The following GRIN2D variants were observed in gnomAD, a reference collection of about 807,000 sequenced individuals.
GRIN2D encodes glutamate ionotropic receptor NMDA type subunit 2D.
GRIN2D carries 37 observed loss-of-function variants against 103.2 expected under a neutral mutation model. The observed-to-expected ratio is 0.36, with a 90% CI of 0.28 to 0.47. The LOEUF (loss-of-function observed/expected upper bound fraction) is 0.47, where lower values mean the gene tolerates loss of function less well. GRIN2D is among the 20% of genes least tolerant of loss of function. The pLI, the probability that GRIN2D is intolerant of heterozygous loss-of-function variation, is 1.00. For missense variants in GRIN2D, 1,557 were observed against 1,910.6 expected, an observed-to-expected ratio of 0.81 and a Z score of 3.45; for synonymous variants, 845 against 885.6, an observed-to-expected ratio of 0.95 and a Z score of 0.81.
rs748932859 is a variant in GRIN2D, at chr19:48,414,075, C to G, written c.1170C>G (p.Ile390Met). 6.2e-7 allele frequency: 1 copy of G among 1,609,366 alleles called. No homozygotes were observed. The highest frequency in any genetic ancestry group is 1.1e-5 in the South Asian group (1 of 90,976). Residue 390 changes from isoleucine to methionine, a missense_variant, in exon 5 of 14, where the codon ATC becomes ATG. Around this residue, in one of 7 missense-constraint regions of GRIN2D, gnomAD observed 490 missense variants for 601.1 expected, o/e 0.82. Transcript: ENST00000263269. The surrounding 1 kb of genome is among the most constrained non-coding windows in gnomAD (Gnocchi z 4.6). ...TAGTGAACCCCTCCCTGGTGGTCAT[C>G]TCCCTCACCAGAGACAGGACGTGGG... ...GFLVNPSLVV[I>M]SLTRDRTWEV...
chr19:48,415,026 C>T lies in GRIN2D; in HGVS notation c.1575C>T (p.Ile525=), dbSNP rs751436423. ...TCGATGGCGTCTGGAACGGCATGAT[C>T]GGGGAGGTGAGGGGGCGGACGGGAG... is the stretch of plus-strand genomic sequence containing the variant. ...KKIDGVWNGM[I]GEVFYQRADM... Residue 525 remains isoleucine (I), a synonymous_variant, in exon 7 of 14, where the codon ATC becomes ATT. Coordinates refer to ENST00000263269, the MANE Select transcript of GRIN2D (RefSeq NM_000836.4). 5.0e-6 allele frequency: 8 copies of T among 1,584,630 alleles called. No individual in the cohort carries two copies. Among genetic ancestry groups the T allele is most frequent in the East Asian group, 2.3e-5 (1 of 43,912 alleles).
intron 10 of GRIN2D, among the ~76,000 whole-genome samples, chr19:48,420,783 G>A (rs570852167): frequency 4.9e-4 from 74 of 152,076 alleles, no homozygotes; most frequent in Non-Finnish European, 9.0e-4. Context: ...CCATGATTAC[G>A]CCACAAATAG....
chr19:48,443,845 C>A lies in GRIN2D; in HGVS notation c.3919C>A (p.Leu1307Met). The A allele has an allele frequency of 6.7e-7, 1 of 1,485,468 alleles. No individual in the cohort carries two copies. Among genetic ancestry groups the A allele is most frequent in the Admixed American group, 2.3e-5 (1 of 44,242 alleles). 92.0% of individuals were successfully genotyped at this position (1,485,468 alleles called of 1,614,324 possible). The change falls in exon 14 of 14, where the codon CTG becomes ATG. Residue 1307 changes from leucine to methionine, a missense_variant. Coordinates refer to ENST00000263269, the MANE Select transcript of GRIN2D (RefSeq NM_000836.4). This position sits in a 1 kb window ranked among gnomAD's most constrained non-coding sequence, Gnocchi z 8.9. ...CPHAAHWGPP[L>M]PTASHRRHRG... ...GCACGCCGCGCACTGGGGGCCGCCG[C>A]TGCCCACAGCTTCCCACCGGAGACA...
At position 48,421,350 on chromosome 19, in the gene GRIN2D, C is replaced by T. The variant is rs1488632763; in HGVS notation, c.2092-435C>T. On this transcript the variant is annotated intron_variant, in intron 10 of 13. Coordinates refer to ENST00000263269, the MANE Select transcript of GRIN2D (RefSeq NM_000836.4). The surrounding 1 kb of genome is among the most constrained non-coding windows in gnomAD (Gnocchi z 4.8). ...GGCTGAGGCAGGAGAATCAGTTGAA[C>T]CTGGGAGGCGGAGGTTGCAGTGAGC... Among the ~76,000 whole-genome samples, 2 of 152,182 alleles carry T rather than the reference C, an allele frequency of 1.3e-5. No homozygotes were observed. Among genetic ancestry groups the T allele is most frequent in the East Asian group, 3.9e-4 (2 of 5,174 alleles).
At chr19:48,398,929 G>A in intron 3 of GRIN2D, 72 bp downstream of exon 3, 2 of 695,188 alleles carry the variant, frequency 2.9e-6, no homozygotes, top group African/African-American at 2.0e-5. Context: ...GACTGGGACA[G>A]CCAGCGGGGG....
chr19:48,403,618 T>G (rs1014594210), intron 3 of GRIN2D, among the ~76,000 whole-genome samples: 28 of 152,132 alleles, frequency 1.8e-4, no homozygotes, highest in African/African-American at 6.5e-4. Context: ...GCACTCCTAG[T>G]GTTTAGAATT....
In GRIN2D at chr19:48,394,308, G is replaced by A. The variant is rs1970605489; in HGVS notation, c.-305-350G>A. On this transcript the variant is annotated intron_variant, in intron 1 of 13. Coordinates refer to ENST00000263269, the MANE Select transcript of GRIN2D (RefSeq NM_000836.4). The surrounding 1 kb of genome is among the most constrained non-coding windows in gnomAD (Gnocchi z 5.1). ...TGTTTCTGCCTGTGTTTGAGAGTGG[G>A]GGAGTCAAGGGGGGGTCTAGAGGTG... is the stretch of plus-strand genomic sequence containing the variant. Among the ~76,000 whole-genome samples the A allele has an allele frequency of 6.6e-6, 1 of 151,252 alleles. No homozygotes were observed. The highest frequency in any genetic ancestry group is 1.5e-5 in the Non-Finnish European group (1 of 67,882).
In GRIN2D at chr19:48,419,184, C is replaced by T. The variant is rs763987126; in HGVS notation, c.1736-50C>T. On this transcript the variant is annotated intron_variant, in intron 8 of 13. Coordinates refer to ENST00000263269, the MANE Select transcript of GRIN2D (RefSeq NM_000836.4). Reference sequence around the variant, plus strand: ...GTGAGGCACCGCCCCAGCCTGATCCCCGAGTCTTTTGCTTGGCTGAGCCAT... The same window carrying T: ...GTGAGGCACCGCCCCAGCCTGATCCTCGAGTCTTTTGCTTGGCTGAGCCAT... 47 of 1,571,582 alleles carry T rather than the reference C, an allele frequency of 3.0e-5. 1 individual carries two copies. The South Asian group carries it at 5.1e-4, about 17-fold the overall frequency.
chr19:48,429,650 C>T (rs1220120395), intron 11 of GRIN2D, among the ~76,000 whole-genome samples: 2 of 152,074 alleles, frequency 1.3e-5, no homozygotes, highest in Non-Finnish European at 2.9e-5. Context: ...CTGCCCACCT[C>T]GGCCTCCCAA....
At position 48,443,893 on chromosome 19, in the gene GRIN2D, C is replaced by A. The variant is rs1052763336; in HGVS notation, c.3967C>A (p.Arg1323Ser). 2.7e-6 allele frequency: 4 copies of A among 1,463,450 alleles called. No homozygotes were observed. The highest frequency in any genetic ancestry group is 3.6e-6 in the Non-Finnish European group (4 of 1,113,508). The allele number at this position is 1,463,450 out of a possible 1,614,324, so 90.7% of individuals were successfully genotyped here. ...RRHRGGDLGT[R>S]RGSAHFSSLE... The stretch of plus-strand genomic sequence containing the variant: ...ACACCGGGGCGGGGACCTGGGCACC[C>A]GCAGGGGCTCGGCGCACTTCTCTAG... The change falls in exon 14 of 14, where the codon CGC becomes AGC. Residue 1323 changes from arginine (R) to serine (S), a missense_variant. By Grantham distance (110) the Arg-to-Ser change is moderately radical (BLOSUM62 -1). This residue lies in a region of GRIN2D where 88 missense variants were observed against 84.3 expected (regional missense o/e 1.04). Coordinates refer to ENST00000263269, the MANE Select transcript of GRIN2D (RefSeq NM_000836.4). This position sits in a 1 kb window ranked among gnomAD's most constrained non-coding sequence, Gnocchi z 8.9.
chr19:48,406,282 A>C (rs1288494869), intron 4 of GRIN2D, among the ~76,000 whole-genome samples: 1 of 152,184 alleles, frequency 6.6e-6, no homozygotes, highest in Non-Finnish European at 1.5e-5. Context: ...AACTGCAAGG[A>C]AGAGTGGGAA....
chr19:48,394,339 G>A lies in GRIN2D; in HGVS notation c.-305-319G>A, dbSNP rs1419988111. 6.6e-6 allele frequency among the ~76,000 whole-genome samples: 1 copy of A among 151,444 alleles called. No individual in the cohort carries two copies. Among genetic ancestry groups the A allele is most frequent in the Non-Finnish European group, 1.5e-5 (1 of 67,894 alleles). On this transcript the variant is annotated intron_variant, in intron 1 of 13. Transcript: ENST00000263269. This position sits in a 1 kb window ranked among gnomAD's most constrained non-coding sequence, Gnocchi z 5.1. ...CAAGGGGGGGTCTAGAGGTGGCCAAGCGAGGAAGGGGCAAGCAGTTCCCCA... is the reference window on the plus strand; with the variant it reads ...CAAGGGGGGGTCTAGAGGTGGCCAAACGAGGAAGGGGCAAGCAGTTCCCCA...
In GRIN2D at chr19:48,419,642, T is replaced by C. The variant is rs1970993364; in HGVS notation, c.1919T>C (p.Val640Ala). Reference protein sequence around the residue: ...GKSIWLLWALVFNNSVPVENP... With the variant: ...GKSIWLLWALAFNNSVPVENP... ...TCCATCTGGCTGCTCTGGGCCCTGG[T>C]GTTCAATAATTCGGTGCCCGTGGAG... is the stretch of plus-strand genomic sequence containing the variant. The change falls in exon 10 of 14, where the codon GTG (valine) becomes GCG (alanine). Residue 640 changes from valine (V) to alanine (A), a missense_variant. Val to Ala is a moderately conservative substitution (Grantham distance 64, BLOSUM62 0). This residue lies in a region of GRIN2D where 197 missense variants were observed against 334.1 expected (regional missense o/e 0.59). Coordinates refer to ENST00000263269, the MANE Select transcript of GRIN2D (RefSeq NM_000836.4). 1 of 1,613,292 alleles carries C rather than the reference T, an allele frequency of 6.2e-7. No individual in the cohort carries two copies. The highest frequency in any genetic ancestry group is 1.1e-5 in the South Asian group (1 of 91,024).
intron 3 of GRIN2D, among the ~76,000 whole-genome samples, chr19:48,404,342 T>C (rs1012880671): frequency 2.0e-5 from 3 of 151,660 alleles, no homozygotes; most frequent in African/African-American, 7.3e-5. Flanking sequence ...TGTAGCTCTG[T>C]AATCCCCTTC....
intron 11 of GRIN2D, among the ~76,000 whole-genome samples, chr19:48,438,146 AGTGC>A (rs1188582758): frequency 6.6e-6 from 1 of 152,254 alleles, no homozygotes; most frequent in South Asian, 2.1e-4. Flanking sequence ...TGAGCCTGTG[AGTGC>A]GTGGACAGGG....
intron 11 of GRIN2D, among the ~76,000 whole-genome samples, chr19:48,427,468 T>TTTTCTTTCTTTTTTTTTTTTTC (rs1971100834): frequency 7.0e-6 from 1 of 143,690 alleles, no homozygotes; most frequent in African/African-American, 2.7e-5. Context: ...CTATATCTTC[T>TTTTCTTTCTTTTTTTTTTTTTC]TTTCTTTTTT....
Position 48,394,681 on chromosome 19 carries a change from C to T in GRIN2D, c.-282C>T, listed in dbSNP as rs1327598954. Among the ~76,000 whole-genome samples, 1 of 152,142 alleles carries T rather than the reference C, an allele frequency of 6.6e-6. No homozygotes were observed. The highest frequency in any genetic ancestry group is 1.5e-5 in the Non-Finnish European group (1 of 68,022). On this transcript the variant is annotated 5_prime_UTR_variant, in exon 2 of 14. Coordinates refer to ENST00000263269, the MANE Select transcript of GRIN2D (RefSeq NM_000836.4). This position sits in a 1 kb window ranked among gnomAD's most constrained non-coding sequence, Gnocchi z 5.1. ...AGAGCAACATGTGTAGCCACGTCCT[C>T]GCCTAGTCCAGGTGGCCGCAACCTT...
intron 4 of GRIN2D, among the ~76,000 whole-genome samples, chr19:48,409,780 T>C (rs1200372145): frequency 6.6e-6 from 1 of 151,696 alleles, no homozygotes; most frequent in Non-Finnish European, 1.5e-5. Flanking sequence ...TGGACATGAT[T>C]CTTTTTTTTC....
chr19:48,399,994 G>A (rs1196852048), intron 3 of GRIN2D, among the ~76,000 whole-genome samples: 1 of 152,156 alleles, frequency 6.6e-6, no homozygotes, highest in Non-Finnish European at 1.5e-5. Context: ...TGTGAGGTGT[G>A]GAAAGCGAGA....
Sources: gnomAD v4.1 joint callset for allele counts (sites outside exome capture counted in the v4.1 genomes callset) on GRCh38, gnomAD v4.1.1 for gene constraint, gnomAD v4.1.1 regional missense constraint, Gnocchi (gnomAD v3.1) non-coding constraint, MANE v1.5 for transcripts, NCBI Gene and HGNC (gene_info 2026-07-23, HGNC 2026-07-21) for gene names.